Variants in CCNK observed in about 807,000 individuals in gnomAD.
CCNK encodes the protein cyclin K, also known as cyclin-K.
In CCNK, 9 loss-of-function variants were observed where a neutral mutation model predicts 65.0. That is an observed-to-expected ratio of 0.14 (90% CI 0.08 to 0.24). The LOEUF (loss-of-function observed/expected upper bound fraction) is 0.24. Among genes scored for constraint, CCNK ranks in the 10% least tolerant of loss-of-function variants. The pLI is 1.00. For missense variants in CCNK, 474 were observed against 720.0 expected (o/e 0.66, Z 3.91); for synonymous variants, 279 against 270.8 (o/e 1.03, Z -0.30).
intron 10 of CCNK, 134 bp downstream of exon 10, chr14:99,507,281 C>G (rs776580800): frequency 6.9e-6 from 5 of 720,040 alleles, no homozygotes; most frequent in South Asian, 4.4e-5. Flanking sequence ...GGAATCTTTG[C>G]AAAATTGTTC....
intron 1 of CCNK, among the ~76,000 whole-genome samples, chr14:99,485,386 C>T (rs1053954507): frequency 6.6e-6 from 1 of 152,160 alleles, no homozygotes; most frequent in Non-Finnish European, 1.5e-5. Context: ...TATGGAGGTA[C>T]TCTTGAGATT....
intron 1 of CCNK, chr14:99,491,937 T>TTCTC (rs1896606111): frequency 6.6e-6 from 1 of 152,256 alleles, no homozygotes; most frequent in Admixed American, 6.5e-5. Flanking sequence ...CTTTCTTTCT[T>TTCTC]TCTCTCAGCA....
intron 3 of CCNK, chr14:99,494,035 C>T (rs926520258): frequency 6.5e-6 from 1 of 153,612 alleles, no homozygotes. Flanking sequence ...ATGCACAGAA[C>T]ACGTGATGGA....
At position 99,510,601 on chromosome 14, in the gene CCNK, C is replaced by A; in HGVS notation, c.1562C>A (p.Pro521His). Residue 521 changes from proline (P) to histidine (H), a missense_variant, in exon 11 of 11, where the codon CCC (proline) becomes CAC (histidine). Around this residue, in one of 6 missense-constraint regions of CCNK, gnomAD observed 38 missense variants for 19.2 expected, o/e 1.98. Transcript: ENST00000389879. ...PTYNPNFPPP[P>H]PRLPPTHAVP... Reference sequence around the variant, plus strand: ...TACAACCCCAACTTCCCACCCCCACCCCCACGCCTCCCGCCTACCCACGCA... The same window carrying A: ...TACAACCCCAACTTCCCACCCCCACACCCACGCCTCCCGCCTACCCACGCA... 1.1e-6 allele frequency: 1 copy of A among 902,126 alleles called. No individual in the cohort carries two copies. The highest frequency in any genetic ancestry group is 1.6e-6 in the Non-Finnish European group (1 of 640,466). 55.9% of individuals were successfully genotyped at this position (902,126 alleles called of 1,614,324 possible).
chr14:99,497,382 G>A (rs913318841), intron 4 of CCNK, among the ~76,000 whole-genome samples: 3 of 152,126 alleles, frequency 2.0e-5, no homozygotes, highest in Non-Finnish European at 4.4e-5. Context: ...ACTTAGTGGT[G>A]TGCATTTAGA....
chr14:99,502,249 A>T lies in CCNK; in HGVS notation c.618A>T (p.Ile206=), dbSNP rs1566751313. ...CACTGCAGTGGGAACCAGAGATCAT[A>T]GCAGTAGCAGTGATGTATCTCGCAG... ...TLSLQWEPEI[I]AVAVMYLAGR... is the part of the protein sequence containing the mutation. Residue 206 remains isoleucine, a synonymous_variant, in exon 7 of 11, where the codon ATA becomes ATT. Coordinates refer to ENST00000389879, the MANE Select transcript of CCNK (RefSeq NM_001099402.2). 1 of 1,604,994 alleles carries T rather than the reference A, an allele frequency of 6.2e-7. No homozygotes were observed.
intron 2 of CCNK, chr14:99,493,197 G>C (rs545982427): frequency 2.4e-6 from 1 of 420,900 alleles, no homozygotes; most frequent in South Asian, 4.0e-5. Flanking sequence ...GAAATCTGGA[G>C]TTCGAGACCA....
intron 1 of CCNK, among the ~76,000 whole-genome samples, chr14:99,481,977 C>A (rs996983962): frequency 6.6e-6 from 1 of 152,186 alleles, no homozygotes; most frequent in East Asian, 1.9e-4. Context: ...AAAGGCACTT[C>A]CGGGATTAGA....
At chr14:99,499,340 G>GT (rs562503313) in intron 4 of CCNK, among the ~76,000 whole-genome samples, 121 of 152,168 alleles carry the variant, frequency 8.0e-4, no homozygotes, top group Admixed American at 2.0e-3. Flanking sequence ...GTCCAGCCCA[G>GT]TTTTTTTTAC....
At chr14:99,507,055 T>C in intron 9 of CCNK, 21 bp from the exon 10 acceptor site, 1 of 1,502,692 alleles carries the variant, frequency 6.7e-7, no homozygotes, top group East Asian at 2.3e-5. Flanking sequence ...AGTGGTTTTC[T>C]AATCTGCTTT....
chr14:99,502,009 A>C, intron 6 of CCNK, 198 bp from the exon 7 acceptor site: 2 of 512,356 alleles, frequency 3.9e-6, no homozygotes, highest in Non-Finnish European at 6.4e-6. Flanking sequence ...AGGAATAGAG[A>C]AATTACTAAC....
intron 1 of CCNK, among the ~76,000 whole-genome samples, chr14:99,484,639 C>G (rs1896438510): frequency 6.6e-6 from 1 of 152,112 alleles, no homozygotes; most frequent in Non-Finnish European, 1.5e-5. Flanking sequence ...TGTAGCAGAT[C>G]TAGGGGATGA....
chr14:99,498,622 G>A (rs182209434), intron 4 of CCNK, among the ~76,000 whole-genome samples: 1 of 152,284 alleles, frequency 6.6e-6, no homozygotes, highest in East Asian at 1.9e-4. Flanking sequence ...CATGAGGCAC[G>A]AGGCAGAACA....
At chr14:99,487,746 A>G (rs970449421) in intron 1 of CCNK, among the ~76,000 whole-genome samples, 5 of 152,364 alleles carry the variant, frequency 3.3e-5, no homozygotes, top group Middle Eastern at 3.4e-3. Flanking sequence ...TCTCTTTCTC[A>G]ACTGAATAGT....
chr14:99,510,056 C>G, intron 10 of CCNK, 101 bp from the exon 11 acceptor site: 1 of 1,215,194 alleles, frequency 8.2e-7, no homozygotes, highest in Non-Finnish European at 1.1e-6. Flanking sequence ...CGGGCAGCTG[C>G]TCCCTGCTCC....
intron 2 of CCNK, chr14:99,493,222 G>C (rs372021465): frequency 9.3e-6 from 4 of 427,850 alleles, no homozygotes; most frequent in East Asian, 4.1e-5. Flanking sequence ...GGGCTGCAGT[G>C]AGCCAAGATC....
chr14:99,502,859 A>C lies in CCNK; in HGVS notation c.886A>C (p.Ser296Arg). ...AGTACAGCAGTCACAGCCGTCTCAA[A>C]GCTCCGAACCATCCCAGCCCCAGCA... The part of the protein sequence containing the change: ...PQVQQSQPSQ[S>R]SEPSQPQQKD... Residue 296 changes from serine (S) to arginine (R), a missense_variant, in exon 8 of 11, where the codon AGC becomes CGC. Physicochemically the swap from Ser to Arg is moderately radical, Grantham distance 110. Coordinates refer to ENST00000389879, the MANE Select transcript of CCNK (RefSeq NM_001099402.2). 1 of 1,613,054 alleles carries C rather than the reference A, an allele frequency of 6.2e-7. No homozygotes were observed.
intron 9 of CCNK, chr14:99,505,230 C>G (rs1896945179): frequency 6.6e-6 from 1 of 152,306 alleles, no homozygotes; most frequent in African/African-American, 2.4e-5. Flanking sequence ...CTTGCTGGCA[C>G]TCATGGGAAA....
At chr14:99,500,373 A>G (rs1383914409) in intron 4 of CCNK, 1 of 203,694 alleles carries the variant, frequency 4.9e-6, no homozygotes, top group Non-Finnish European at 1.0e-5. Context: ...CTTGCTTAAA[A>G]TGTTTTCAAT....
Sources: allele counts gnomAD v4.1 joint callset (sites outside exome capture counted in the v4.1 genomes callset), GRCh38; gene constraint gnomAD v4.1.1; regional missense constraint gnomAD v4.1.1; transcripts MANE v1.5; gene names NCBI Gene and HGNC (gene_info 2026-07-23, HGNC 2026-07-21).